The following CD96 variants were observed in gnomAD, a reference collection of about 807,000 sequenced individuals.
The protein encoded by CD96 is T-cell surface protein tactile.
Under a neutral mutation model 71.3 loss-of-function variants are expected in CD96, and 70 were observed. That is an observed-to-expected ratio of 0.98 (90% CI 0.81 to 1.20). The LOEUF (loss-of-function observed/expected upper bound fraction) is 1.20. Ranked by LOEUF, CD96 falls within the 50% of genes most tolerant of loss-of-function variation. The pLI is 0.00. For synonymous variants in CD96, 248 were observed against 233.0 expected, an observed-to-expected ratio of 1.06 and a Z score of -0.59; for missense variants, 742 against 677.5, an observed-to-expected ratio of 1.10 and a Z score of -1.06.
At chr3:111,643,070 TAA>T (rs201908883) in intron 12 of CD96, among the ~76,000 whole-genome samples, 2 of 94,368 alleles carry the variant, frequency 2.1e-5, no homozygotes, top group Admixed American at 1.1e-4. Flanking sequence ...CCAAAATCCT[TAA>T]AAAAAAAAAA....
intron 10 of CD96, among the ~76,000 whole-genome samples, chr3:111,628,015 A>G (rs1938862050): frequency 6.6e-6 from 1 of 152,222 alleles, no homozygotes; most frequent in East Asian, 1.9e-4. Context: ...CAAAGATCAA[A>G]GGCAGATAAG....
chr3:111,619,065 C>T (rs1000853639), intron 8 of CD96, among the ~76,000 whole-genome samples: 1 of 152,172 alleles, frequency 6.6e-6, no homozygotes, highest in Admixed American at 6.5e-5. Flanking sequence ...CTCTACCTTT[C>T]CTTTCTCTAG....
chr3:111,622,785 CT>C (rs748596198), intron 8 of CD96, among the ~76,000 whole-genome samples: 123 of 150,036 alleles, frequency 8.2e-4, no homozygotes, highest in Admixed American at 2.8e-3. Context: ...AAAAGAATAA[CT>C]ATTTCTCTAG....
chr3:111,575,185 T>A (rs945879733), intron 3 of CD96, among the ~76,000 whole-genome samples: 1 of 152,132 alleles, frequency 6.6e-6, no homozygotes, highest in Non-Finnish European at 1.5e-5. Context: ...AGTGTGATAT[T>A]TGGAGGGAAA....
At position 111,664,283 on chromosome 3, in the gene CD96, GA is replaced by G. The variant is rs34040212; in HGVS notation, c.*53-1236del. Among the ~76,000 whole-genome samples, 787 of 151,816 alleles carry G rather than the reference GA, an allele frequency of 5.2e-3. 5 individuals are homozygous for G. Among genetic ancestry groups the G allele is most frequent in the African/African-American group, 0.018 (725 of 41,398 alleles). ...CCAGTTGTCCATCATTTGTGGACTG[GA>G]AAAAAAATGTGGTACATATACACTG... On this transcript the variant is annotated intron_variant and NMD_transcript_variant, in intron 14 of 14. Coordinates refer to the CD96 transcript ENST00000494798.
intron 5 of CD96, among the ~76,000 whole-genome samples, chr3:111,590,162 G>T (rs1391467960): frequency 6.6e-6 from 1 of 152,116 alleles, no homozygotes; most frequent in East Asian, 1.9e-4. Flanking sequence ...AACTAGGTTT[G>T]AATTCTCTTC....
chr3:111,589,581 C>G (rs190629992), intron 5 of CD96, among the ~76,000 whole-genome samples: 1 of 152,288 alleles, frequency 6.6e-6, no homozygotes, highest in East Asian at 1.9e-4. Context: ...TTCTTACAAT[C>G]CCTGCTGTAT....
intron 3 of CD96, chr3:111,577,656 A>G: frequency 1.2e-6 from 1 of 824,052 alleles, no homozygotes; most frequent in Non-Finnish European, 2.2e-6. Context: ...AGCCAGATTC[A>G]GCTAAAGAAC....
rs180725586 is a variant in CD96 at position 111,646,197 on chromosome 3, A to C, written c.1478-1346A>C. Among the ~76,000 whole-genome samples the C allele has an allele frequency of 5.5e-4, 84 of 152,258 alleles. No individual in the cohort carries two copies. The South Asian group carries it at 5.6e-3, about 10-fold the overall frequency. On this transcript the variant is annotated intron_variant, in intron 12 of 13. Coordinates refer to ENST00000352690, the MANE Select transcript of CD96 (RefSeq NM_005816.5). ...TTTCACTGGAGTATCATTAGCAATA[A>C]CAAAGTCTGGAAACAATTTAACCAT...
chr3:111,543,216 T>C (rs941131182), intron 1 of CD96, among the ~76,000 whole-genome samples: 18 of 152,226 alleles, frequency 1.2e-4, no homozygotes, highest in African/African-American at 4.3e-4. Context: ...TTTTATCTTT[T>C]CCTTTTGTGA....
At chr3:111,598,250 A>C (rs751362497) in intron 6 of CD96, 40 bp downstream of exon 6, 1 of 868,312 alleles carries the variant, frequency 1.2e-6, no homozygotes, top group Non-Finnish European at 2.0e-6. Context: ...CGGTACAAAA[A>C]GAAAGAAAAC....
intron 10 of CD96, among the ~76,000 whole-genome samples, chr3:111,636,708 A>C (rs1939345599): frequency 6.6e-6 from 1 of 152,202 alleles, no homozygotes; most frequent in Admixed American, 6.5e-5. Context: ...CTGATAATTC[A>C]CTGCTGACAT....
At chr3:111,643,392 T>A (rs1330949289) in intron 12 of CD96, among the ~76,000 whole-genome samples, 1 of 152,146 alleles carries the variant, frequency 6.6e-6, no homozygotes, top group Non-Finnish European at 1.5e-5. Flanking sequence ...GGGGAAAAGA[T>A]GAAAGCATTC....
chr3:111,647,710 T>A, intron 13 of CD96, 44 bp downstream of exon 13: 1 of 1,400,112 alleles, frequency 7.1e-7, no homozygotes, highest in Non-Finnish European at 1.0e-6. Flanking sequence ...TAATTTTTCA[T>A]TATAAAATAT....
chr3:111,650,777 G>A lies in CD96; in HGVS notation c.*971G>A, dbSNP rs1286584779. On this transcript the variant is annotated 3_prime_UTR_variant, in exon 14 of 14. Coordinates refer to ENST00000352690, the MANE Select transcript of CD96 (RefSeq NM_005816.5). ...TTTTTTAAAGCAGTTGAAGCAGAAT[G>A]TATAGGTGTCAGAGAAGAAACCTAG... 1.3e-5 allele frequency: 2 copies of A among 152,228 alleles called. No homozygotes were observed. The highest frequency in any genetic ancestry group is 1.9e-4 in the East Asian group (1 of 5,192). 9.4% of individuals were successfully genotyped at this position (152,228 alleles called of 1,614,324 possible).
At chr3:111,581,566 C>T (rs1936468508) in intron 4 of CD96, among the ~76,000 whole-genome samples, 1 of 152,322 alleles carries the variant, frequency 6.6e-6, no homozygotes. Flanking sequence ...GCAATTTTGC[C>T]ACTTCCTGCA....
intron 14 of CD96, among the ~76,000 whole-genome samples, chr3:111,663,740 A>G (rs1940410638): frequency 7.1e-6 from 1 of 141,198 alleles, no homozygotes; most frequent in East Asian, 2.2e-4. Context: ...GAAGAAAAGA[A>G]ATGCTTATAC....
intron 10 of CD96, chr3:111,634,485 G>A (rs982724332): frequency 3.9e-5 from 6 of 152,646 alleles, no homozygotes; most frequent in Admixed American, 3.9e-4. Context: ...AAATGTCAAA[G>A]TAGTGTTTGT....
intron 8 of CD96, 48 bp downstream of exon 8, chr3:111,606,840 T>C: frequency 9.0e-7 from 1 of 1,110,004 alleles, no homozygotes; most frequent in Non-Finnish European, 1.4e-6. Flanking sequence ...AGCAGATTGA[T>C]AACGATAAAA....
Sources: gnomAD v4.1 joint callset for allele counts (sites outside exome capture counted in the v4.1 genomes callset) on GRCh38, gnomAD v4.1.1 for gene constraint, MANE v1.5 for transcripts, NCBI Gene and HGNC (gene_info 2026-07-23, HGNC 2026-07-21) for gene names.